The following FRYL variants were observed in gnomAD, a reference collection of about 807,000 sequenced individuals.
The protein encoded by FRYL is FRY like transcription coactivator.
FRYL carries 150 observed loss-of-function variants against 351.2 expected under a neutral mutation model. That is an observed-to-expected ratio of 0.43 (90% CI 0.37 to 0.49). The LOEUF (loss-of-function observed/expected upper bound fraction) is 0.49, where lower values mean the gene tolerates loss of function less well. Ranked by LOEUF, FRYL falls within the 20% of genes least tolerant of loss-of-function variation. The pLI is 0.00. For missense variants in FRYL, 3,036 were observed against 3,619.3 expected (o/e 0.84, Z 4.13); for synonymous variants, 1,153 against 1,257.1 (o/e 0.92, Z 1.75).
rs191792409 is a variant in FRYL at position 48,721,234 on chromosome 4, C to A, written c.-383-10536G>T. ...CTAACTAGAACGTAAACACCTATGG[C>A]CATTGTATCCTCTAACCAGCCCAGA... On this transcript the variant is annotated intron_variant, in intron 1 of 63. Coordinates refer to ENST00000358350, the MANE Select transcript of FRYL (RefSeq NM_015030.2). Among the ~76,000 whole-genome samples the A allele has an allele frequency of 2.6e-5, 4 of 152,246 alleles. No individual in the cohort carries two copies. In the East Asian group the frequency reaches 7.7e-4, roughly 29 times the overall value.
chr4:48,606,221 C>T (rs555621203), intron 10 of FRYL, among the ~76,000 whole-genome samples: 4 of 151,148 alleles, frequency 2.6e-5, no homozygotes, highest in Non-Finnish European at 5.9e-5. Flanking sequence ...TGCAGTGAGC[C>T]GAGATCATGC....
chr4:48,670,758 T>A (rs895046938), intron 3 of FRYL, among the ~76,000 whole-genome samples: 4 of 152,184 alleles, frequency 2.6e-5, no homozygotes, highest in Non-Finnish European at 5.9e-5. Flanking sequence ...CCATCCATGT[T>A]GCTGCAAGTG....
At chr4:48,509,071 T>C (rs1365427971) in intron 59 of FRYL, among the ~76,000 whole-genome samples, 2 of 152,194 alleles carry the variant, frequency 1.3e-5, no homozygotes, top group Admixed American at 6.5e-5. Flanking sequence ...CAATGATTTC[T>C]GAAGATACAA....
intron 1 of FRYL, among the ~76,000 whole-genome samples, chr4:48,758,416 C>T (rs1322988348): frequency 1.3e-5 from 2 of 152,144 alleles, no homozygotes; most frequent in African/African-American, 2.4e-5. Flanking sequence ...AAAAAGTGGG[C>T]AAAGGATATG....
intron 1 of FRYL, among the ~76,000 whole-genome samples, chr4:48,755,416 C>A (rs1324100494): frequency 6.6e-6 from 1 of 152,180 alleles, no homozygotes; most frequent in East Asian, 1.9e-4. Context: ...AGAAATTTCT[C>A]TCCAGTTGTC....
intron 13 of FRYL, among the ~76,000 whole-genome samples, chr4:48,601,271 G>A (rs1745642559): frequency 6.6e-6 from 1 of 152,150 alleles, no homozygotes; most frequent in Non-Finnish European, 1.5e-5. Context: ...TAACTTGCAA[G>A]CAAATATTCA....
intron 53 of FRYL, among the ~76,000 whole-genome samples, chr4:48,526,237 G>C (rs1726207326): frequency 6.6e-6 from 1 of 152,140 alleles, no homozygotes; most frequent in Non-Finnish European, 1.5e-5. Context: ...ACAGATACTT[G>C]GTATTAAGGC....
At chr4:48,592,082 T>TTATATAGATATATATATATATATATA (rs1743418109) in intron 16 of FRYL, among the ~76,000 whole-genome samples, 1 of 116,178 alleles carries the variant, frequency 8.6e-6, no homozygotes, top group African/African-American at 4.5e-5. Flanking sequence ...AATAAAGCTC[T>TTATATAGATATATATATATATATATA]TATATATATA....
chr4:48,521,193 T>C lies in FRYL; in HGVS notation c.7544A>G (p.Asp2515Gly). 6.2e-7 allele frequency: 1 copy of C among 1,609,070 alleles called. No homozygotes were observed. Among genetic ancestry groups the C allele is most frequent in the South Asian group, 1.1e-5 (1 of 89,684 alleles). Reference sequence around the variant, plus strand: ...GTCAGGATGGTCTGGTATTGTTTCATCAGTGGCAGAATCACTGTTTAACTA... The same window carrying C: ...GTCAGGATGGTCTGGTATTGTTTCACCAGTGGCAGAATCACTGTTTAACTA... The part of the protein sequence containing the change: ...TQMLNSDSAT[D>G]ETIPDHPDLL... The change falls in exon 55 of 64, where the codon GAT becomes GGT. Residue 2515 changes from aspartate to glycine, a missense_variant. Transcript: ENST00000358350.
intron 54 of FRYL, among the ~76,000 whole-genome samples, chr4:48,522,171 C>T (rs1180702881): frequency 6.6e-6 from 1 of 152,108 alleles, no homozygotes; most frequent in African/African-American, 2.4e-5. Flanking sequence ...GTCCTAGCTG[C>T]TTGAGAAGCT....
chr4:48,758,135 G>A (rs914787737), intron 1 of FRYL, among the ~76,000 whole-genome samples: 2 of 152,130 alleles, frequency 1.3e-5, no homozygotes, highest in Non-Finnish European at 2.9e-5. Context: ...TAAAACCCTA[G>A]AAGAAAACCT....
intron 1 of FRYL, among the ~76,000 whole-genome samples, chr4:48,727,100 A>C (rs952579850): frequency 3.3e-5 from 5 of 152,192 alleles, no homozygotes; most frequent in Non-Finnish European, 7.4e-5. Flanking sequence ...CTTTGGAATC[A>C]GTAATCTCAT....
intron 25 of FRYL, among the ~76,000 whole-genome samples, chr4:48,573,580 G>A (rs944613836): frequency 2.6e-5 from 4 of 151,912 alleles, no homozygotes; most frequent in Admixed American, 6.6e-5. Flanking sequence ...ATGGAGTTTC[G>A]CTCTTGTTGC....
chr4:48,653,262 G>A (rs1210247127), intron 3 of FRYL, among the ~76,000 whole-genome samples: 1 of 152,014 alleles, frequency 6.6e-6, no homozygotes, highest in African/African-American at 2.4e-5. Context: ...GAAGAATGAG[G>A]GAAAGCTATT....
chr4:48,760,672 T>G (rs979802618), intron 1 of FRYL, among the ~76,000 whole-genome samples: 3 of 152,008 alleles, frequency 2.0e-5, no homozygotes, highest in Non-Finnish European at 4.4e-5. Context: ...AACTGTAGAT[T>G]TATTTGTTTA....
At chr4:48,558,306 C>T (rs1182536610) in intron 33 of FRYL, among the ~76,000 whole-genome samples, 1 of 152,152 alleles carries the variant, frequency 6.6e-6, no homozygotes, top group African/African-American at 2.4e-5. Context: ...CATTATGTTA[C>T]CTGAAATAAG....
Position 48,581,500 on chromosome 4 carries a change from T to A in FRYL, c.2092A>T (p.Ser698Cys). ...GCTAGTCTCCTAGTGGCAGGTCGAC[T>A]GCTACAGAGAATGACAAGCGCAAAG... ...EGFALVILCS[S>C]RPATRRLAVS... is the part of the protein sequence containing the mutation. The change falls in exon 21 of 64, where the codon AGT (serine) becomes TGT (cysteine). Residue 698 changes from serine (S) to cysteine (C), a missense_variant. Transcript: ENST00000358350. 6.2e-7 allele frequency: 1 copy of A among 1,614,108 alleles called. No individual in the cohort carries two copies. Among genetic ancestry groups the A allele is most frequent in the Non-Finnish European group, 8.5e-7 (1 of 1,179,972 alleles).
intron 1 of FRYL, among the ~76,000 whole-genome samples, chr4:48,711,075 G>T (rs780273812): frequency 6.6e-5 from 10 of 152,172 alleles, no homozygotes; most frequent in African/African-American, 2.4e-4. Flanking sequence ...CATTATGCTG[G>T]GGGGAGGAGC....
chr4:48,688,922 C>A (rs987570219), intron 2 of FRYL, among the ~76,000 whole-genome samples: 1 of 152,082 alleles, frequency 6.6e-6, no homozygotes, highest in Admixed American at 6.6e-5. Flanking sequence ...CCTCAGCCTC[C>A]CAAAGTGCTG....
Sources: allele counts gnomAD v4.1 joint callset (sites outside exome capture counted in the v4.1 genomes callset), GRCh38; gene constraint gnomAD v4.1.1; transcripts MANE v1.5; gene names NCBI Gene and HGNC (gene_info 2026-07-23, HGNC 2026-07-21).